The following PRDM16 variants were observed in gnomAD, a reference collection of about 807,000 sequenced individuals.
PRDM16 encodes PR/SET domain 16.
In PRDM16, 23 loss-of-function variants were observed where a neutral mutation model predicts 110.6. That is an observed-to-expected ratio of 0.21 (90% CI 0.15 to 0.29). The LOEUF (loss-of-function observed/expected upper bound fraction) is 0.29. Among genes scored for constraint, PRDM16 ranks in the 10% least tolerant of loss-of-function variants. The pLI, the probability that PRDM16 is intolerant of heterozygous loss-of-function variation, is 1.00. For synonymous variants in PRDM16, 799 were observed against 781.8 expected (o/e 1.02, Z -0.37); for missense variants, 1,615 against 1,794.3 (o/e 0.90, Z 1.81).
intron 1 of PRDM16, among the ~76,000 whole-genome samples, chr1:3,102,183 T>G (rs1642549551): frequency 6.6e-6 from 1 of 152,078 alleles, no homozygotes; most frequent in South Asian, 2.1e-4. Flanking sequence ...GGGTGGGCAG[T>G]GAGTCCAGCC....
chr1:3,160,618 T>C (rs968902053), intron 1 of PRDM16, among the ~76,000 whole-genome samples: 5 of 152,180 alleles, frequency 3.3e-5, no homozygotes, highest in African/African-American at 1.2e-4. Context: ...GGGAGGCCTC[T>C]GGACATGGTC....
chr1:3,398,458 A>T (rs1023960135), intron 5 of PRDM16, among the ~76,000 whole-genome samples: 1 of 152,178 alleles, frequency 6.6e-6, no homozygotes, highest in Non-Finnish European at 1.5e-5. Flanking sequence ...AAATGCAAAA[A>T]TGTTCCTCAC....
Position 3,244,285 on chromosome 1 carries a change from G to C in PRDM16, c.438+148G>C. On this transcript the variant is annotated intron_variant, in intron 3 of 16. Transcript: ENST00000270722. This position sits in a 1 kb window ranked among gnomAD's most constrained non-coding sequence, Gnocchi z 4.1. ...CCGAGCAATGTGTTATCTGTGGACT[G>C]ACGTGTGCACAGGACGGTGGCTTTG... 1 of 743,438 alleles carries C rather than the reference G, an allele frequency of 1.3e-6. No homozygotes were observed. The allele number at this position is 743,438 out of a possible 1,614,324, so 46.1% of individuals were successfully genotyped here. A position where few individuals can be genotyped will look rare whatever the true frequency, so the allele number is the denominator to read the frequency against.
At chr1:3,184,398 G>A (rs1377268590) in intron 1 of PRDM16, among the ~76,000 whole-genome samples, 9 of 152,294 alleles carry the variant, frequency 5.9e-5, no homozygotes, top group East Asian at 3.9e-4. Flanking sequence ...GGTGCGGGGC[G>A]GGGGCCGGGA....
chr1:3,290,800 C>T lies in PRDM16; in HGVS notation c.438+46663C>T, dbSNP rs150558645. Among the ~76,000 whole-genome samples, 1,124 of 152,086 alleles carry T rather than the reference C, an allele frequency of 7.4e-3. 15 individuals carry two copies. The highest frequency in any genetic ancestry group is 0.025 in the African/African-American group (1,057 of 41,468). ...GGCAGGCCCTACGAGATCCCTGAAACGGGATACGCCGAGCTGAACTTGGCC... is the reference window on the plus strand; with the variant it reads ...GGCAGGCCCTACGAGATCCCTGAAATGGGATACGCCGAGCTGAACTTGGCC... On this transcript the variant is annotated intron_variant, in intron 3 of 16. Transcript: ENST00000270722. The surrounding 1 kb of genome is among the most constrained non-coding windows in gnomAD (Gnocchi z 4.8).
rs550145861 is a variant in PRDM16 at position 3,359,705 on chromosome 1, T to A, written c.439-25447T>A. ...TTGGCAATCTTGACTTCTTTCCCCCTTGGAAAAAAAGCGTCCTCTGTGTGC... is the reference window on the plus strand; with the variant it reads ...TTGGCAATCTTGACTTCTTTCCCCCATGGAAAAAAAGCGTCCTCTGTGTGC... On this transcript the variant is annotated intron_variant, in intron 3 of 16. Coordinates refer to ENST00000270722, the MANE Select transcript of PRDM16 (RefSeq NM_022114.4). The surrounding 1 kb of genome is among the most constrained non-coding windows in gnomAD (Gnocchi z 4.3). Among the ~76,000 whole-genome samples the A allele has an allele frequency of 3.3e-5, 5 of 152,236 alleles. No individual in the cohort carries two copies. The highest frequency in any genetic ancestry group is 1.2e-4 in the African/African-American group (5 of 41,538).
At chr1:3,193,195 G>A (rs2100811449) in intron 2 of PRDM16, among the ~76,000 whole-genome samples, 1 of 152,340 alleles carries the variant, frequency 6.6e-6, no homozygotes, top group South Asian at 2.1e-4. Flanking sequence ...CAGGCATTGG[G>A]AGAGTCACCA....
intron 1 of PRDM16, among the ~76,000 whole-genome samples, chr1:3,151,071 G>A (rs901031061): frequency 6.4e-4 from 98 of 152,204 alleles, no homozygotes; most frequent in African/African-American, 2.2e-3. Context: ...AGCCACCCTC[G>A]GGGAGGTGGC....
rs910324102 is a variant in PRDM16, at chr1:3,190,291, C to A, written c.387+3817C>A. 2.0e-5 allele frequency among the ~76,000 whole-genome samples: 3 copies of A among 151,464 alleles called. No individual in the cohort carries two copies. Among genetic ancestry groups the A allele is most frequent in the Admixed American group, 6.6e-5 (1 of 15,212 alleles). ...GCAGCCTTACTTCAAGGTCGTGGGGCAGCCTTACTTTAAGTGGGAGCTTTC... is the reference window on the plus strand; with the variant it reads ...GCAGCCTTACTTCAAGGTCGTGGGGAAGCCTTACTTTAAGTGGGAGCTTTC... On this transcript the variant is annotated intron_variant, in intron 2 of 16. Coordinates refer to ENST00000270722, the MANE Select transcript of PRDM16 (RefSeq NM_022114.4). The surrounding 1 kb of genome is among the most constrained non-coding windows in gnomAD (Gnocchi z 5.0).
Position 3,188,366 on chromosome 1 carries a change from A to G in PRDM16, c.387+1892A>G, listed in dbSNP as rs540743905. Among the ~76,000 whole-genome samples, 11 of 151,748 alleles carry G rather than the reference A, an allele frequency of 7.2e-5. No individual in the cohort carries two copies. In the South Asian group the frequency reaches 2.3e-3, roughly 32 times the overall value. On this transcript the variant is annotated intron_variant, in intron 2 of 16. Coordinates refer to ENST00000270722, the MANE Select transcript of PRDM16 (RefSeq NM_022114.4). ...CTTGTCTACTCTGATACAAGTTTCT[A>G]TTTGCTTTTTTTTTAAAGAAATGGC...
Position 3,411,934 on chromosome 1 carries a change from C to T in PRDM16, c.1737C>T (p.Phe579=), listed in dbSNP as rs35579804. The part of the protein sequence containing the change: ...TTAAAGPEEK[F]ESRLEDSCVE... ...CAGCTGCGGGGCCCGAGGAGAAGTT[C>T]GAGAGCCGCCTGGAGGACTCCTGTG... The change falls in exon 9 of 17, where the codon TTC becomes TTT. Residue 579 remains phenylalanine (F), a synonymous_variant. Transcript: ENST00000270722. 15 of 1,613,532 alleles carry T rather than the reference C, an allele frequency of 9.3e-6. No individual in the cohort carries two copies. The highest frequency in any genetic ancestry group is 5.0e-5 in the Admixed American group (3 of 60,006).
At chr1:3,404,338 G>A (rs376390195) in intron 6 of PRDM16, among the ~76,000 whole-genome samples, 25 of 152,354 alleles carry the variant, frequency 1.6e-4, no homozygotes, top group Middle Eastern at 6.8e-3. Context: ...GCATCCTTGG[G>A]TTTGGGGGAC....
chr1:3,347,111 G>C (rs1042299871), intron 3 of PRDM16, among the ~76,000 whole-genome samples: 3 of 152,218 alleles, frequency 2.0e-5, no homozygotes, highest in Non-Finnish European at 2.9e-5. Context: ...TTTCCGGGGA[G>C]GGTGGAGGGG....
At chr1:3,393,429 C>T (rs1291688777) in intron 4 of PRDM16, among the ~76,000 whole-genome samples, 5 of 152,206 alleles carry the variant, frequency 3.3e-5, no homozygotes, top group African/African-American at 9.7e-5. Context: ...GGACCCACCG[C>T]GGGTCTCACG....
In PRDM16 at chr1:3,435,096, G is replaced by A. The variant is rs1259113144; in HGVS notation, c.*1285G>A. The A allele has an allele frequency of 1.8e-5, 4 of 227,178 alleles. No homozygotes were observed. Among genetic ancestry groups the A allele is most frequent in the South Asian group, 3.7e-4 (2 of 5,444 alleles). 14.1% of individuals were successfully genotyped at this position (227,178 alleles called of 1,614,324 possible). A position where few individuals can be genotyped will look rare whatever the true frequency, so the allele number is the denominator to read the frequency against. ...AGGAGCAGAGACAGCACAGCCCCCC[G>A]GGCCCAGCCGCCTCCCTCTCTTGGG... On this transcript the variant is annotated 3_prime_UTR_variant, in exon 17 of 17. Transcript: ENST00000270722.
chr1:3,125,754 G>A (rs1405734625), intron 1 of PRDM16, among the ~76,000 whole-genome samples: 3 of 152,232 alleles, frequency 2.0e-5, no homozygotes, highest in Non-Finnish European at 4.4e-5. Context: ...TGCGCGGGGG[G>A]CACTGACCCC....
intron 3 of PRDM16, among the ~76,000 whole-genome samples, chr1:3,268,937 G>A (rs1041734867): frequency 4.6e-5 from 7 of 152,224 alleles, no homozygotes; most frequent in Admixed American, 4.6e-4. Context: ...TACCTGAGGT[G>A]GCCCCATGAC....
intron 1 of PRDM16, among the ~76,000 whole-genome samples, chr1:3,086,955 A>G (rs1326185981): frequency 6.6e-6 from 1 of 152,192 alleles, no homozygotes; most frequent in Non-Finnish European, 1.5e-5. Flanking sequence ...TGAAAGTTAG[A>G]AAAAGAAAAG....
chr1:3,204,975 A>T (rs1450739116), intron 2 of PRDM16, among the ~76,000 whole-genome samples: 1 of 152,104 alleles, frequency 6.6e-6, no homozygotes, highest in Non-Finnish European at 1.5e-5. Flanking sequence ...GAATTAGTTG[A>T]AGTCAGAAGT....
Sources: allele counts gnomAD v4.1 joint callset (sites outside exome capture counted in the v4.1 genomes callset), GRCh38; gene constraint gnomAD v4.1.1; non-coding constraint Gnocchi (gnomAD v3.1); transcripts MANE v1.5; gene names NCBI Gene and HGNC (gene_info 2026-07-23, HGNC 2026-07-21).